Variants in SDK1 observed in about 807,000 individuals in gnomAD.
The protein encoded by SDK1 is sidekick cell adhesion molecule 1.
Under a neutral mutation model 245.5 loss-of-function variants are expected in SDK1, and 157 were observed. The ratio of observed to expected loss-of-function variants is 0.64; its 90% CI spans 0.56 to 0.73. The LOEUF is 0.73. Among genes scored for constraint, SDK1 ranks in the 30% least tolerant of loss-of-function variants. The pLI is 0.00. For synonymous variants in SDK1, 1,647 were observed against 1,278.5 expected, an observed-to-expected ratio of 1.29 and a Z score of -6.15; for missense variants, 3,583 against 3,002.3, an observed-to-expected ratio of 1.19 and a Z score of -4.52.
intron 18 of SDK1, among the ~76,000 whole-genome samples, chr7:4,050,166 C>T (rs1468710126): frequency 6.6e-6 from 1 of 152,224 alleles, no homozygotes; most frequent in Non-Finnish European, 1.5e-5. Context: ...AAGCTCTATA[C>T]AGTGAAGGGA....
intron 1 of SDK1, among the ~76,000 whole-genome samples, chr7:3,353,190 A>C (rs537020681): frequency 6.6e-6 from 1 of 152,136 alleles, no homozygotes; most frequent in South Asian, 2.1e-4. Flanking sequence ...AAGTAATGGC[A>C]TGGAAAGATC....
chr7:3,647,934 A>G (rs1408601197), intron 4 of SDK1, among the ~76,000 whole-genome samples: 5 of 152,220 alleles, frequency 3.3e-5, no homozygotes, highest in Admixed American at 1.3e-4. Flanking sequence ...CAGAAAAAAT[A>G]TCTTGGAAAG....
intron 4 of SDK1, among the ~76,000 whole-genome samples, chr7:3,802,129 A>G (rs752300007): frequency 3.2e-4 from 49 of 152,310 alleles, no homozygotes; most frequent in Admixed American, 7.2e-4. Flanking sequence ...ATTTTATACC[A>G]CTGTAGTGCA....
intron 1 of SDK1, among the ~76,000 whole-genome samples, chr7:3,591,020 C>G (rs957648116): frequency 6.6e-6 from 1 of 151,964 alleles, no homozygotes; most frequent in Non-Finnish European, 1.5e-5. Flanking sequence ...AAAAAACTCC[C>G]CAGGAGATCC....
chr7:4,081,635 G>T (rs1448963869), intron 22 of SDK1, among the ~76,000 whole-genome samples: 1 of 152,016 alleles, frequency 6.6e-6, no homozygotes, highest in African/African-American at 2.4e-5. Flanking sequence ...AGCCAGGATG[G>T]TCTGGATCTC....
chr7:3,812,735 T>G (rs1283470326), intron 4 of SDK1, among the ~76,000 whole-genome samples: 1 of 152,330 alleles, frequency 6.6e-6, no homozygotes, highest in East Asian at 1.9e-4. Flanking sequence ...AACTTACCCT[T>G]TCCTGAAGAA....
chr7:3,772,442 C>G (rs1487023397), intron 4 of SDK1, among the ~76,000 whole-genome samples: 1 of 151,936 alleles, frequency 6.6e-6, no homozygotes, highest in Non-Finnish European at 1.5e-5. Context: ...CACGATACTT[C>G]CAAAAACATC....
At chr7:3,853,233 C>T (rs1397909405) in intron 5 of SDK1, among the ~76,000 whole-genome samples, 2 of 152,020 alleles carry the variant, frequency 1.3e-5, no homozygotes, top group East Asian at 3.9e-4. Flanking sequence ...GGAAAGTAAC[C>T]TATTGCTCAG....
chr7:3,826,105 C>T (rs1779768013), intron 5 of SDK1, among the ~76,000 whole-genome samples: 1 of 152,192 alleles, frequency 6.6e-6, no homozygotes, highest in African/African-American at 2.4e-5. Context: ...GAGGCATGCT[C>T]TGCCCTGGCC....
At chr7:3,311,466 G>A (rs1192843402) in intron 1 of SDK1, among the ~76,000 whole-genome samples, 1 of 152,064 alleles carries the variant, frequency 6.6e-6, no homozygotes, top group Non-Finnish European at 1.5e-5. Context: ...GTATGTTCTT[G>A]TTCTATTGAA....
intron 17 of SDK1, among the ~76,000 whole-genome samples, chr7:4,033,373 T>C (rs1787974565): frequency 6.6e-6 from 1 of 152,170 alleles, no homozygotes; most frequent in Admixed American, 6.5e-5. Flanking sequence ...AATAAAACAC[T>C]AGTTTTAGTC....
chr7:3,620,013 C>T (rs1781886386), intron 2 of SDK1, among the ~76,000 whole-genome samples: 1 of 152,258 alleles, frequency 6.6e-6, no homozygotes, highest in East Asian at 1.9e-4. Flanking sequence ...AACTAGCATG[C>T]CAGAAAAGTC....
intron 1 of SDK1, among the ~76,000 whole-genome samples, chr7:3,333,192 C>A (rs918338386): frequency 5.3e-5 from 8 of 152,002 alleles, no homozygotes; most frequent in African/African-American, 1.9e-4. Context: ...GGGAGGGTAC[C>A]TGATTTCTAC....
chr7:3,425,998 T>C (rs906507189), intron 1 of SDK1, among the ~76,000 whole-genome samples: 26 of 152,256 alleles, frequency 1.7e-4, no homozygotes, highest in Admixed American at 1.5e-3. Flanking sequence ...AATGGCAACT[T>C]ATACATGGAA....
chr7:3,715,669 A>T (rs1304601901), intron 4 of SDK1, among the ~76,000 whole-genome samples: 1 of 152,238 alleles, frequency 6.6e-6, no homozygotes, highest in African/African-American at 2.4e-5. Flanking sequence ...CCATCAGGCA[A>T]CTGCCATCTA....
At position 3,887,672 on chromosome 7, in the gene SDK1, C is replaced by T. The variant is rs567956279; in HGVS notation, c.848-63251C>T. ...TCCCCTGGCCTGATGATTCCTGAAG[C>T]AGATGATTATTCTCTATGTTCTACA... On this transcript the variant is annotated intron_variant, in intron 5 of 44. Transcript: ENST00000404826. Among the ~76,000 whole-genome samples, 13 of 152,312 alleles carry T rather than the reference C, an allele frequency of 8.5e-5. No homozygotes were observed. In the East Asian group the frequency reaches 1.9e-3, roughly 23 times the overall value.
chr7:3,674,570 G>A (rs1783829385), intron 4 of SDK1, among the ~76,000 whole-genome samples: 1 of 152,156 alleles, frequency 6.6e-6, no homozygotes, highest in Non-Finnish European at 1.5e-5. Flanking sequence ...AGCTGTTCAT[G>A]GCTGTTTGGG....
At chr7:3,936,584 CA>C (rs35348363) in intron 5 of SDK1, among the ~76,000 whole-genome samples, 163 of 139,482 alleles carry the variant, frequency 1.2e-3, no homozygotes, top group Middle Eastern at 3.7e-3. Flanking sequence ...GACTCCATCT[CA>C]AAAAAAAAAA....
chr7:4,239,572 C>T (rs1157039906), intron 42 of SDK1, among the ~76,000 whole-genome samples: 1 of 152,220 alleles, frequency 6.6e-6, no homozygotes, highest in Non-Finnish European at 1.5e-5. Flanking sequence ...CCATGTTGGC[C>T]AGGCTGGTCT....
Sources: allele counts gnomAD v4.1 joint callset (sites outside exome capture counted in the v4.1 genomes callset), GRCh38; gene constraint gnomAD v4.1.1; transcripts MANE v1.5; gene names NCBI Gene and HGNC (gene_info 2026-07-23, HGNC 2026-07-21).